Variants in MUC4 observed in about 807,000 individuals in gnomAD.
MUC4 encodes mucin 4, cell surface associated.
MUC4 carries 202 observed loss-of-function variants against 257.9 expected under a neutral mutation model. That is an observed-to-expected ratio of 0.78 (90% confidence interval 0.70 to 0.88). The LOEUF (loss-of-function observed/expected upper bound fraction) is 0.88, where lower values mean the gene tolerates loss of function less well. Ranked by LOEUF, MUC4 falls within the 40% of genes least tolerant of loss-of-function variation. The pLI is 0.00. For missense variants in MUC4, 5,976 were observed against 6,513.7 expected (o/e 0.92, Z 2.84); for synonymous variants, 2,351 against 2,757.1 (o/e 0.85, Z 4.62).
chr3:195,751,297 G>C, intron 21 of MUC4, 26 bp from the exon 22 acceptor site: 2 of 1,567,598 alleles, frequency 1.3e-6, no homozygotes, highest in Non-Finnish European at 8.7e-7. Context: ...GCAGATGGGG[G>C]TGGGGGTGAG....
intron 1 of MUC4, among the ~76,000 whole-genome samples, chr3:195,808,598 C>T (rs1354467253): frequency 1.3e-5 from 2 of 152,176 alleles, no homozygotes; most frequent in African/African-American, 2.4e-5. Flanking sequence ...CTCAGTTTGC[C>T]GATGAAGAGC....
At chr3:195,747,912 T>C (rs1223356208) in intron 24 of MUC4, among the ~76,000 whole-genome samples, 3 of 152,230 alleles carry the variant, frequency 2.0e-5, no homozygotes, top group East Asian at 1.9e-4. Flanking sequence ...TGCAGTCAGC[T>C]GCACCTGGGC....
In MUC4 at chr3:195,789,437, C is replaced by T. The variant is rs920592609; in HGVS notation, c.2143G>A (p.Ala715Thr). 1.9e-6 allele frequency: 3 copies of T among 1,613,838 alleles called. No homozygotes were observed. Among genetic ancestry groups the T allele is most frequent in the Non-Finnish European group, 2.5e-6 (3 of 1,179,886 alleles). The stretch of plus-strand genomic sequence containing the variant: ...GTGGCATCATGGCTGCTGGGTGCTG[C>T]CTGCAGTGCTGTGGTCGGGGCCTGG... ...TTQAPTTALQ[A>T]APSSHDATLG... Residue 715 changes from alanine to threonine, a missense_variant, in exon 2 of 25, where the codon GCA (alanine) becomes ACA (threonine). By Grantham distance (58) the Ala-to-Thr change is moderately conservative. Coordinates refer to ENST00000463781, the MANE Select transcript of MUC4 (RefSeq NM_018406.7).
chr3:195,776,560 C>T (rs1724801424), intron 3 of MUC4, among the ~76,000 whole-genome samples: 2 of 34,552 alleles, frequency 5.8e-5, no homozygotes, highest in Admixed American at 1.7e-4. Flanking sequence ...CCATACCTTC[C>T]GCACCCATAC....
Position 195,773,275 on chromosome 3 carries a change from C to T in MUC4, c.13077+897G>A, listed in dbSNP as rs181140236. 2.5e-3 allele frequency among the ~76,000 whole-genome samples: 330 copies of T among 132,138 alleles called. 2 individuals are homozygous for T. Among genetic ancestry groups the T allele is most frequent in the African/African-American group, 9.3e-3 (319 of 34,380 alleles). The allele number at this position is 132,138 out of a possible 152,430, so 86.7% of individuals were successfully genotyped here. On this transcript the variant is annotated intron_variant, in intron 4 of 24. Coordinates refer to ENST00000463781, the MANE Select transcript of MUC4 (RefSeq NM_018406.7). ...TCTCTCCATCGCTCAGGGGTGCAGACACCCCATCTCCATCACTTAGGGGGT... is the reference window on the plus strand; with the variant it reads ...TCTCTCCATCGCTCAGGGGTGCAGATACCCCATCTCCATCACTTAGGGGGT...
intron 1 of MUC4, among the ~76,000 whole-genome samples, chr3:195,793,029 T>C (rs1734063541): frequency 6.6e-6 from 1 of 151,734 alleles, no homozygotes; most frequent in African/African-American, 2.4e-5. Context: ...AGCTAATACA[T>C]GCAGGTGATG....
chr3:195,790,596 C>G lies in MUC4; in HGVS notation c.984G>C (p.Gln328His). 6.2e-7 allele frequency: 1 copy of G among 1,613,984 alleles called. No individual in the cohort carries two copies. The highest frequency in any genetic ancestry group is 2.2e-5 in the East Asian group (1 of 44,894). ...GAGATACTCTGGTGGTCTCCACGCT[C>G]TGAGTCTGGTGGTTCTTAGAAAAAG... The part of the protein sequence containing the change: ...TTAFSKNHQT[Q>H]SVETTRVSQI... Residue 328 changes from glutamine to histidine, a missense_variant, in exon 2 of 25, where the codon CAG becomes CAC. By Grantham distance (24) the Gln-to-His change is conservative. Coordinates refer to ENST00000463781, the MANE Select transcript of MUC4 (RefSeq NM_018406.7).
intron 21 of MUC4, 58 bp from the exon 22 acceptor site, chr3:195,751,329 C>T: frequency 7.6e-7 from 1 of 1,313,654 alleles, no homozygotes; most frequent in Non-Finnish European, 1.1e-6. Flanking sequence ...GGGGGAGACG[C>T]CCTCCCACCT....
chr3:195,769,084 G>T lies in MUC4; in HGVS notation c.13467C>A (p.Ser4489Arg). The part of the protein sequence containing the change: ...SRSYALFLYQ[S>R]GGMQWDVAQR... ...GGGCCACGTCCCACTGCATCCCACCGCTCTGGTAGAGAAACAGGGCATAGG... is the reference window on the plus strand; with the variant it reads ...GGGCCACGTCCCACTGCATCCCACCTCTCTGGTAGAGAAACAGGGCATAGG... The change falls in exon 7 of 25, where the codon AGC becomes AGA. Residue 4489 changes from serine (S) to arginine (R), a missense_variant. Transcript: ENST00000463781. The T allele has an allele frequency of 6.2e-7, 1 of 1,614,090 alleles. No individual in the cohort carries two copies. Among genetic ancestry groups the T allele is most frequent in the Non-Finnish European group, 8.5e-7 (1 of 1,180,002 alleles).
At position 195,747,276 on chromosome 3, in the gene MUC4, A is replaced by C; in HGVS notation, c.16139T>G (p.Leu5380Arg). The C allele has an allele frequency of 1.2e-6, 2 of 1,614,230 alleles. No homozygotes were observed. Among genetic ancestry groups the C allele is most frequent in the Non-Finnish European group, 1.7e-6 (2 of 1,180,012 alleles). ...GAACGTCCCGACCCCCAGCAGCAAG[A>C]GGCCGCCCAGGGCCCCAAAGAAGAT... is the stretch of plus-strand genomic sequence containing the variant. ...FGIFFGALGG[L>R]LLLGVGTFVV... The change falls in exon 25 of 25, where the codon CTC becomes CGC. Residue 5380 changes from leucine (L) to arginine (R), a missense_variant. Leu to Arg is a moderately radical substitution (Grantham distance 102). Transcript: ENST00000463781.
rs200248065 is a variant in MUC4, at chr3:195,788,973, G to A, written c.2607C>T (p.Pro869=). The part of the protein sequence containing the change: ...VSTGMASSIV[P]GTFHPTLSEA... Reference sequence around the variant, plus strand: ...CAGAGAGGGTGGGATGAAAGGTGCCGGGGACGATCGAAGACGCCATTCCTG... The same window carrying A: ...CAGAGAGGGTGGGATGAAAGGTGCCAGGGACGATCGAAGACGCCATTCCTG... The change falls in exon 2 of 25, where the codon CCC becomes CCT. Residue 869 remains proline, a synonymous_variant. Coordinates refer to ENST00000463781, the MANE Select transcript of MUC4 (RefSeq NM_018406.7). The A allele has an allele frequency of 2.0e-4, 326 of 1,613,508 alleles. 1 individual carries two copies. The highest frequency in any genetic ancestry group is 2.9e-4 in the South Asian group (26 of 91,048).
At position 195,790,073 on chromosome 3, in the gene MUC4, T is replaced by C; in HGVS notation, c.1507A>G (p.Thr503Ala). ...SSKGHTTWSQTELPSTSTGAA... is the reference protein window; with the variant it reads ...SSKGHTTWSQAELPSTSTGAA... ...CCTGTTGATGTTGAGGGCAGTTCTG[T>C]TTGTGACCAAGTTGTGTGGCCTTTG... Residue 503 changes from threonine to alanine, a missense_variant, in exon 2 of 25, where the codon ACA (threonine) becomes GCA (alanine). This residue lies in a region of MUC4 where 1,583 missense variants were observed against 1,257.4 expected (regional missense o/e 1.26). Coordinates refer to ENST00000463781, the MANE Select transcript of MUC4 (RefSeq NM_018406.7). The C allele has an allele frequency of 6.2e-7, 1 of 1,614,072 alleles. No individual in the cohort carries two copies. The highest frequency in any genetic ancestry group is 8.5e-7 in the Non-Finnish European group (1 of 1,179,900).
At position 195,761,089 on chromosome 3, in the gene MUC4, G is replaced by A; in HGVS notation, c.14643C>T (p.Gly4881=). Residue 4881 remains glycine (G), a synonymous_variant, in exon 16 of 25, where the codon GGC becomes GGT. Transcript: ENST00000463781. The part of the protein sequence containing the change: ...TWQINGTGLL[G]KRNDQLPSNF... ...TGGAAGGCAGCTGGTCATTCCTCTT[G>A]CCAAGGAGGCCTGTCCCGTTGATCT... 6.2e-7 allele frequency: 1 copy of A among 1,614,182 alleles called. No homozygotes were observed. The highest frequency in any genetic ancestry group is 8.5e-7 in the Non-Finnish European group (1 of 1,180,026).
intron 1 of MUC4, among the ~76,000 whole-genome samples, chr3:195,794,237 C>T (rs1734262653): frequency 6.6e-6 from 1 of 152,064 alleles, no homozygotes; most frequent in South Asian, 2.1e-4. Flanking sequence ...TTACCTTAGC[C>T]TCTGAGTCTC....
At chr3:195,775,787 T>A (rs373122322) in intron 3 of MUC4, among the ~76,000 whole-genome samples, 56 of 5,664 alleles carry the variant, frequency 9.9e-3, no homozygotes, top group South Asian at 0.016. Flanking sequence ...TTCCACACCC[T>A]TACCTTCCAC....
Position 195,750,956 on chromosome 3 carries a change from A to C in MUC4, c.15804T>G (p.Ser5268Arg). 1.9e-6 allele frequency: 3 copies of C among 1,613,150 alleles called. No homozygotes were observed. Among genetic ancestry groups the C allele is most frequent in the Non-Finnish European group, 1.7e-6 (2 of 1,179,806 alleles). The change falls in exon 23 of 25, where the codon AGT becomes AGG. Residue 5268 changes from serine (S) to arginine (R), a missense_variant. Physicochemically the swap from Ser to Arg is moderately radical, Grantham distance 110. Coordinates refer to ENST00000463781, the MANE Select transcript of MUC4 (RefSeq NM_018406.7). Reference protein sequence around the residue: ...EAFLYHVPRRSEEPRNDVVFQ... With the variant: ...EAFLYHVPRRREEPRNDVVFQ... ...AGACCACGTCGTTCCTGGGCTCCTC[A>C]CTCCTCCGTGGAACGTGGTATAAGA...
chr3:195,800,441 T>G (rs1038391508), intron 1 of MUC4, among the ~76,000 whole-genome samples: 8 of 152,162 alleles, frequency 5.3e-5, no homozygotes, highest in African/African-American at 1.9e-4. Flanking sequence ...ATAGTTTTAT[T>G]GTCTAGGGGA....
chr3:195,766,607 T>C (rs1720550467), intron 8 of MUC4, 56 bp downstream of exon 8: 2 of 1,508,500 alleles, frequency 1.3e-6, no homozygotes, highest in Admixed American at 1.7e-5. Context: ...GTGTATGGGC[T>C]GGAGGACACG....
intron 16 of MUC4, among the ~76,000 whole-genome samples, chr3:195,760,648 G>T (rs1383859985): frequency 7.2e-6 from 1 of 138,442 alleles, no homozygotes; most frequent in Admixed American, 6.8e-5. Flanking sequence ...GACGGAGGGG[G>T]CTGGGAAGGC....
Sources: gnomAD v4.1 joint callset for allele counts (sites outside exome capture counted in the v4.1 genomes callset) on GRCh38, gnomAD v4.1.1 for gene constraint, gnomAD v4.1.1 regional missense constraint, MANE v1.5 for transcripts, NCBI Gene and HGNC (gene_info 2026-07-23, HGNC 2026-07-21) for gene names.